IFNAR1: variants seen among roughly 807,000 people sequenced by gnomAD.
IFNAR1 encodes interferon alpha and beta receptor subunit 1.
Under a neutral mutation model 62.1 loss-of-function variants are expected in IFNAR1, and 47 were observed. The observed-to-expected ratio is 0.76, with a 90% CI of 0.60 to 0.97. The LOEUF is 0.97. Among genes scored for constraint, IFNAR1 ranks in the 50% least tolerant of loss-of-function variants. The pLI, the probability that IFNAR1 is intolerant of heterozygous loss-of-function variation, is 0.00. For synonymous variants in IFNAR1, 219 were observed against 226.9 expected, an observed-to-expected ratio of 0.97 and a Z score of 0.31; for missense variants, 638 against 654.5, an observed-to-expected ratio of 0.97 and a Z score of 0.27.
At chr21:33,340,049 C>T (rs891517960) in intron 2 of IFNAR1, among the ~76,000 whole-genome samples, 5 of 152,018 alleles carry the variant, frequency 3.3e-5, no homozygotes, top group Non-Finnish European at 7.3e-5. Flanking sequence ...ACTCCATGCC[C>T]ACTTTATTTT....
At chr21:33,334,891 AC>A in intron 1 of IFNAR1, 1 of 1,400,924 alleles carries the variant, frequency 7.1e-7, no homozygotes, top group Non-Finnish European at 1.0e-6. Context: ...CTGCTGAGAT[AC>A]ACTATACTTT....
intron 2 of IFNAR1, among the ~76,000 whole-genome samples, chr21:33,338,215 C>T (rs942388907): frequency 5.9e-5 from 9 of 152,042 alleles, no homozygotes; most frequent in South Asian, 2.1e-4. Flanking sequence ...ATTGTCTCCC[C>T]GCAGTCAGAA....
intron 1 of IFNAR1, among the ~76,000 whole-genome samples, chr21:33,334,359 T>C (rs2083212565): frequency 6.6e-6 from 1 of 152,088 alleles, no homozygotes; most frequent in Non-Finnish European, 1.5e-5. Flanking sequence ...TGACTTGTCA[T>C]ACACAAGGGA....
In IFNAR1 at chr21:33,324,988, G is replaced by A; in HGVS notation, c.-68G>A. The A allele has an allele frequency of 7.1e-7, 1 of 1,413,284 alleles. No individual in the cohort carries two copies. The highest frequency in any genetic ancestry group is 1.2e-5 in the South Asian group (1 of 80,720). The allele number at this position is 1,413,284 out of a possible 1,614,324, so 87.5% of individuals were successfully genotyped here. ...GAGGGGCGGTGTGACTTAGGACGGG[G>A]CGATGGCGGCTGAGAGGAGCTGCGC... On this transcript the variant is annotated 5_prime_UTR_variant, in exon 1 of 11. Transcript: ENST00000270139.
At chr21:33,346,168 G>A (rs2123254100) in intron 6 of IFNAR1, among the ~76,000 whole-genome samples, 1 of 152,294 alleles carries the variant, frequency 6.6e-6, no homozygotes, top group South Asian at 2.1e-4. Context: ...AATTGTAGGA[G>A]ATGAATAGAG....
At chr21:33,325,390 C>T (rs73900317) in intron 1 of IFNAR1, among the ~76,000 whole-genome samples, 3,196 of 152,302 alleles carry the variant, frequency 0.021, 122 homozygotes, top group African/African-American at 0.074. Context: ...CGTGAAATGG[C>T]GGTGCCAGAG....
chr21:33,353,857 T>A, intron 10 of IFNAR1, 74 bp downstream of exon 10: 1 of 995,124 alleles, frequency 1.0e-6, no homozygotes, highest in South Asian at 1.5e-5. Context: ...CAACAGGATA[T>A]ATGTAGGTTT....
At chr21:33,333,616 TTTTTTTTTTC>T (rs1431293623) in intron 1 of IFNAR1, among the ~76,000 whole-genome samples, 1 of 131,832 alleles carries the variant, frequency 7.6e-6, no homozygotes, top group African/African-American at 3.4e-5. Context: ...GGCGGAATAT[TTTTTTTTTTC>T]TTTTTTTTTT....
At chr21:33,348,588 G>A (rs1387854564) in intron 6 of IFNAR1, among the ~76,000 whole-genome samples, 1 of 152,106 alleles carries the variant, frequency 6.6e-6, no homozygotes, top group African/African-American at 2.4e-5. Flanking sequence ...GATCACCTGA[G>A]GTCAGGAGTT....
At chr21:33,350,698 C>G (rs1050217280) in intron 8 of IFNAR1, among the ~76,000 whole-genome samples, 3 of 152,160 alleles carry the variant, frequency 2.0e-5, no homozygotes, top group African/African-American at 7.2e-5. Context: ...TTAACTTCAC[C>G]TCATTTTCTA....
chr21:33,337,761 A>ACATACATATACACACATTGTG (rs1568928038), intron 2 of IFNAR1, among the ~76,000 whole-genome samples: 2 of 108,738 alleles, frequency 1.8e-5, no homozygotes, highest in African/African-American at 7.0e-5. Flanking sequence ...TACACACTAT[A>ACATACATATACACACATTGTG]TATACATATA....
At chr21:33,347,570 A>T (rs920601182) in intron 6 of IFNAR1, among the ~76,000 whole-genome samples, 1 of 152,040 alleles carries the variant, frequency 6.6e-6, no homozygotes, top group East Asian at 1.9e-4. Flanking sequence ...CCTGGCCTAG[A>T]TCCTCTTTTA....
rs189352826 is a variant in IFNAR1 at position 33,355,232 on chromosome 21, A to G, written c.1441-84A>G. On this transcript the variant is annotated intron_variant, in intron 10 of 10. Coordinates refer to ENST00000270139, the MANE Select transcript of IFNAR1 (RefSeq NM_000629.3). The stretch of plus-strand genomic sequence containing the variant: ...ATAGGTTTTCTCAGTAATGGATGTA[A>G]GAAACTAAAGCTATTACAACTAGAA... 3.1e-4 allele frequency: 219 copies of G among 708,878 alleles called. 1 individual carries two copies. In the African/African-American group the frequency reaches 3.4e-3, roughly 11 times the overall value. 43.9% of individuals were successfully genotyped at this position (708,878 alleles called of 1,614,324 possible).
chr21:33,337,646 T>C (rs1381988055), intron 2 of IFNAR1, among the ~76,000 whole-genome samples: 1 of 63,104 alleles, frequency 1.6e-5, no homozygotes, highest in African/African-American at 6.3e-5. Context: ...ACTATATATA[T>C]ACATACTGTA....
chr21:33,345,573 A>G (rs2083337922), intron 6 of IFNAR1, among the ~76,000 whole-genome samples: 1 of 152,196 alleles, frequency 6.6e-6, no homozygotes, highest in Admixed American at 6.5e-5. Flanking sequence ...CATGGGCCTC[A>G]ATTTCTTCAC....
rs375942471 is a variant in IFNAR1, at chr21:33,358,841, T to TTATATATA, written c.*3301_*3308dup. On this transcript the variant is annotated 3_prime_UTR_variant, in exon 11 of 11. Transcript: ENST00000270139. ...TAACATGGCCAGACCCCATCTCTAT[T>TTATATATA]TATATATATATATATAAAACTTAGA... 11 of 150,104 alleles carry TTATATATA rather than the reference T, an allele frequency of 7.3e-5. No homozygotes were observed. The highest frequency in any genetic ancestry group is 2.2e-4 in the African/African-American group (9 of 40,664). The allele number at this position is 150,104 out of a possible 1,614,324, so 9.3% of individuals were successfully genotyped here.
At chr21:33,326,939 G>A (rs2083132249) in intron 1 of IFNAR1, among the ~76,000 whole-genome samples, 1 of 152,174 alleles carries the variant, frequency 6.6e-6, no homozygotes. Context: ...ATTTTGTAGT[G>A]AGGAGGGGTA....
At chr21:33,334,845 T>C (rs1269086203) in intron 1 of IFNAR1, 10 of 1,052,180 alleles carry the variant, frequency 9.5e-6, no homozygotes, top group Non-Finnish European at 1.3e-5. Flanking sequence ...CAGGGTGATA[T>C]CACCAGTTAT....
rs2083312426 is a variant in IFNAR1, at chr21:33,343,353, T to A, written c.462T>A (p.Val154=). ...IHISPGTKDS[V]MWALDGLSFT... is the part of the protein sequence containing the mutation. ...TCTCTCCTGGAACAAAAGATAGTGTTATGTGGGCTTTGGATGGTTTAAGCT... is the reference window on the plus strand; with the variant it reads ...TCTCTCCTGGAACAAAAGATAGTGTAATGTGGGCTTTGGATGGTTTAAGCT... Residue 154 remains valine (V), a synonymous_variant, in exon 4 of 11, where the codon GTT becomes GTA. Transcript: ENST00000270139. 1.2e-6 allele frequency: 2 copies of A among 1,612,722 alleles called. No individual in the cohort carries two copies.
Sources: gnomAD v4.1 joint callset for allele counts (sites outside exome capture counted in the v4.1 genomes callset) on GRCh38, gnomAD v4.1.1 for gene constraint, MANE v1.5 for transcripts, NCBI Gene and HGNC (gene_info 2026-07-23, HGNC 2026-07-21) for gene names.